Variants in PRR16 observed in about 807,000 individuals in gnomAD.
PRR16 encodes the protein protein Largen.
PRR16 carries 6 observed loss-of-function variants against 18.2 expected under a neutral mutation model. That is an observed-to-expected ratio of 0.33 (90% CI 0.18 to 0.65). PRR16 has a LOEUF of 0.65. Ranked by LOEUF, PRR16 falls within the 30% of genes least tolerant of loss-of-function variation. PRR16 has a pLI of 0.74. For synonymous variants in PRR16, 151 were observed against 147.8 expected (o/e 1.02, Z -0.16); for missense variants, 412 against 376.6 (o/e 1.09, Z -0.78).
chr5:120,671,273 T>G (rs1756593990), intron 1 of PRR16, among the ~76,000 whole-genome samples: 1 of 152,136 alleles, frequency 6.6e-6, no homozygotes, highest in Non-Finnish European at 1.5e-5. Flanking sequence ...AGATCAGATA[T>G]CAGAGTTTCT....
At chr5:120,518,301 A>G (rs879708963) in intron 1 of PRR16, among the ~76,000 whole-genome samples, 4 of 152,088 alleles carry the variant, frequency 2.6e-5, no homozygotes, top group African/African-American at 7.2e-5. Context: ...CTAATCTTCA[A>G]TTATTTGTTT....
the PRR16 span, among the ~76,000 whole-genome samples, chr5:120,700,341 T>C: frequency 6.6e-6 from 1 of 151,988 alleles, no homozygotes; most frequent in Non-Finnish European, 1.5e-5. Context: ...ATATTGGCCT[T>C]GAGTGGGGTA....
chr5:120,584,659 A>G (rs904869010), intron 1 of PRR16, among the ~76,000 whole-genome samples: 1 of 152,204 alleles, frequency 6.6e-6, no homozygotes, highest in Non-Finnish European at 1.5e-5. Flanking sequence ...ACTAAGAGAT[A>G]TTTTGTATGG....
chr5:120,622,660 G>A (rs544177443), intron 1 of PRR16, among the ~76,000 whole-genome samples: 1 of 151,938 alleles, frequency 6.6e-6, no homozygotes, highest in South Asian at 2.1e-4. Context: ...TGTATTTTTA[G>A]TAGAGACAGA....
chr5:120,573,903 G>A (rs984934424), intron 1 of PRR16, among the ~76,000 whole-genome samples: 4 of 150,354 alleles, frequency 2.7e-5, no homozygotes, highest in Admixed American at 6.6e-5. Context: ...TGATATGTGT[G>A]TATATATATA....
the PRR16 span, among the ~76,000 whole-genome samples, chr5:120,779,089 A>G: frequency 6.6e-6 from 1 of 152,136 alleles, no homozygotes; most frequent in Non-Finnish European, 1.5e-5. Flanking sequence ...GGAACTTAGT[A>G]AAATATGCAC....
At chr5:120,653,371 C>G (rs1442394538) in intron 1 of PRR16, among the ~76,000 whole-genome samples, 1 of 151,480 alleles carries the variant, frequency 6.6e-6, no homozygotes, top group Non-Finnish European at 1.5e-5. Context: ...CATTAAACAC[C>G]AAAATGCATT....
intron 1 of PRR16, among the ~76,000 whole-genome samples, chr5:120,473,368 G>A (rs186523179): frequency 2.0e-5 from 3 of 152,256 alleles, no homozygotes; most frequent in African/African-American, 4.8e-5. Context: ...AGGTGGCATA[G>A]TATAGAAGGG....
intron 1 of PRR16, among the ~76,000 whole-genome samples, chr5:120,557,380 A>G (rs1048694156): frequency 6.6e-6 from 1 of 151,920 alleles, no homozygotes; most frequent in East Asian, 1.9e-4. Context: ...ATATATCTAT[A>G]TAATACATAT....
At chr5:120,768,485 G>A in the PRR16 span, among the ~76,000 whole-genome samples, 6 of 151,194 alleles carry the variant, frequency 4.0e-5, no homozygotes, top group Non-Finnish European at 5.9e-5. Context: ...TTGACTTTCC[G>A]ACTTTGTCTC....
At chr5:120,654,422 T>C (rs1755898126) in intron 1 of PRR16, among the ~76,000 whole-genome samples, 1 of 151,978 alleles carries the variant, frequency 6.6e-6, no homozygotes, top group Non-Finnish European at 1.5e-5. Flanking sequence ...AATGGCCTTT[T>C]TTTCCCTAGT....
At chr5:120,731,640 A>G in the PRR16 span, among the ~76,000 whole-genome samples, 1 of 152,198 alleles carries the variant, frequency 6.6e-6, no homozygotes, top group Admixed American at 6.5e-5. Flanking sequence ...TGCAAGGGGC[A>G]TTTATCTGCT....
intron 1 of PRR16, among the ~76,000 whole-genome samples, chr5:120,505,428 C>G (rs536482547): frequency 2.0e-5 from 3 of 151,608 alleles, no homozygotes; most frequent in Non-Finnish European, 4.4e-5. Context: ...TGTCCAATCA[C>G]AAATGGACTT....
the PRR16 span, among the ~76,000 whole-genome samples, chr5:120,768,619 A>G: frequency 6.6e-6 from 1 of 151,822 alleles, no homozygotes; most frequent in Admixed American, 6.6e-5. Flanking sequence ...GTTTTATAAG[A>G]AGGAAATTAC....
At chr5:120,587,161 T>C (rs1345613565) in intron 1 of PRR16, among the ~76,000 whole-genome samples, 1 of 152,158 alleles carries the variant, frequency 6.6e-6, no homozygotes, top group Non-Finnish European at 1.5e-5. Context: ...GTGAAGAAGA[T>C]GTAGGAGAGA....
At chr5:120,695,725 A>T in the PRR16 span, among the ~76,000 whole-genome samples, 9 of 152,106 alleles carry the variant, frequency 5.9e-5, no homozygotes, top group African/African-American at 2.2e-4. Context: ...ATAATCTCCC[A>T]ATCTAGCGAC....
chr5:120,678,888 ATAAACTG>A (rs1756887953), intron 1 of PRR16, among the ~76,000 whole-genome samples: 1 of 152,128 alleles, frequency 6.6e-6, no homozygotes. Context: ...TAGAAGTAAT[ATAAACTG>A]AATTTGGATT....
chr5:120,745,476 C>T, the PRR16 span, among the ~76,000 whole-genome samples: 1 of 152,014 alleles, frequency 6.6e-6, no homozygotes, highest in African/African-American at 2.4e-5. Context: ...CTTAGAATCA[C>T]CTTTATCTCC....
At chr5:120,700,737 G>T in the PRR16 span, among the ~76,000 whole-genome samples, 1 of 152,154 alleles carries the variant, frequency 6.6e-6, no homozygotes, top group African/African-American at 2.4e-5. Context: ...TGTGGAGTGG[G>T]TAGCCTCCGT....
Sources: gnomAD v4.1 joint callset for allele counts (sites outside exome capture counted in the v4.1 genomes callset) on GRCh38, gnomAD v4.1.1 for gene constraint, MANE v1.5 for transcripts, NCBI Gene and HGNC (gene_info 2026-07-23, HGNC 2026-07-21) for gene names.